ZC3HAV1L: variants seen among roughly 807,000 people sequenced by gnomAD.
ZC3HAV1L encodes ZC3HAV1 like.
In ZC3HAV1L, 23 loss-of-function variants were observed where a neutral mutation model predicts 28.2. The observed-to-expected ratio is 0.82, with a 90% CI of 0.59 to 1.16. ZC3HAV1L has a LOEUF of 1.16. Ranked by LOEUF, ZC3HAV1L falls within the 50% of genes most tolerant of loss-of-function variation. ZC3HAV1L has a pLI of 0.00. For missense variants in ZC3HAV1L, 376 were observed against 387.7 expected (o/e 0.97, Z 0.25); for synonymous variants, 180 against 163.4 (o/e 1.10, Z -0.78).
chr7:139,034,456 A>G, intron 2 of ZC3HAV1L, 87 bp downstream of exon 2: 1 of 1,545,204 alleles, frequency 6.5e-7, no homozygotes, highest in South Asian at 1.2e-5. Flanking sequence ...GAAGGCAATT[A>G]AAATTAATAT....
Position 139,035,665 on chromosome 7 carries a change from T to C in ZC3HAV1L, c.353A>G (p.Asn118Ser), listed in dbSNP as rs1815686784. The C allele has an allele frequency of 2.1e-6, 3 of 1,457,942 alleles. No homozygotes were observed. Among genetic ancestry groups the C allele is most frequent in the African/African-American group, 1.5e-5 (1 of 67,754 alleles). 90.3% of individuals were successfully genotyped at this position (1,457,942 alleles called of 1,614,324 possible). Reference sequence around the variant, plus strand: ...GCCGCCTTCTCACCAGCAGTCCCGGTTGGGGCACTTGCCCAGCATGTGCCG... The same window carrying C: ...GCCGCCTTCTCACCAGCAGTCCCGGCTGGGGCACTTGCCCAGCATGTGCCG... ...CRRHMLGKCP[N>S]RDCWSTCTLS... Residue 118 changes from asparagine to serine, a missense_variant, in exon 1 of 5, where the codon AAC becomes AGC. Transcript: ENST00000275766.
chr7:139,032,719 T>C (rs1450088658), intron 2 of ZC3HAV1L, among the ~76,000 whole-genome samples: 1 of 151,110 alleles, frequency 6.6e-6, no homozygotes, highest in Non-Finnish European at 1.5e-5. Flanking sequence ...ACTGTATACC[T>C]GAAAATTGCT....
intron 1 of ZC3HAV1L, chr7:139,035,194 G>A: frequency 1.0e-6 from 1 of 985,332 alleles, no homozygotes; most frequent in East Asian, 1.1e-4. Flanking sequence ...CTGGCTCAGC[G>A]CTGTTAAACC....
downstream of ZC3HAV1L, among the ~76,000 whole-genome samples, chr7:139,025,275 C>T (rs1815323116): frequency 6.6e-6 from 1 of 151,946 alleles, no homozygotes; most frequent in South Asian, 2.1e-4. Flanking sequence ...ATGGTGAAAC[C>T]CCGTCTCTAC....
In ZC3HAV1L at chr7:139,035,776, CT is replaced by C; in HGVS notation, c.241del (p.Arg81GlyfsTer60). On this transcript the variant is annotated frameshift_variant, in exon 1 of 5. Coordinates refer to ENST00000275766, the MANE Select transcript of ZC3HAV1L (RefSeq NM_080660.4). LOFTEE classifies it high-confidence loss of function. ...GCGCACAGAGGACACGGCCACCACC[CT>C]CCAGGCGGAGGTGCCGCCACCGCCC... ...AVGGGGTSAW[R>X]VVAVSSVRLC... 6.7e-7 allele frequency: 1 copy of C among 1,495,668 alleles called. No homozygotes were observed. The highest frequency in any genetic ancestry group is 8.8e-7 in the Non-Finnish European group (1 of 1,130,972). The allele number at this position is 1,495,668 out of a possible 1,614,324, so 92.6% of individuals were successfully genotyped here. A position where few individuals can be genotyped will look rare whatever the true frequency, so the allele number is the denominator to read the frequency against.
At chr7:139,027,080 G>T (rs766685404) in intron 3 of ZC3HAV1L, among the ~76,000 whole-genome samples, 1 of 152,082 alleles carries the variant, frequency 6.6e-6, no homozygotes, top group Non-Finnish European at 1.5e-5. Context: ...ACAATGACAG[G>T]CCCTAGACAC....
chr7:139,026,672 C>T (rs1051372661), intron 4 of ZC3HAV1L, 36 bp downstream of exon 4: 1 of 1,612,680 alleles, frequency 6.2e-7, no homozygotes, highest in African/African-American at 1.3e-5. Flanking sequence ...GCTGGACAAG[C>T]TTCTTCTTAG....
intron 2 of ZC3HAV1L, among the ~76,000 whole-genome samples, chr7:139,030,991 A>G (rs1484108266): frequency 6.6e-6 from 1 of 152,184 alleles, no homozygotes; most frequent in African/African-American, 2.4e-5. Context: ...CTGGTTTAAA[A>G]TGAAATAGCA....
Position 139,028,834 on chromosome 7 carries a change from A to T in ZC3HAV1L, c.628T>A (p.Ser210Thr). The T allele has an allele frequency of 6.2e-7, 1 of 1,614,122 alleles. No individual in the cohort carries two copies. Among genetic ancestry groups the T allele is most frequent in the Non-Finnish European group, 8.5e-7 (1 of 1,180,042 alleles). The change falls in exon 3 of 5, where the codon TCC becomes ACC. Residue 210 changes from serine to threonine, a missense_variant. By Grantham distance (58) the Ser-to-Thr change is moderately conservative. Coordinates refer to ENST00000275766, the MANE Select transcript of ZC3HAV1L (RefSeq NM_080660.4). The stretch of plus-strand genomic sequence containing the variant: ...GATGCAGCATGGATAAGCTGATGGG[A>T]CCGTTTGCAGGTCTGAAGTTTGCAT... ...GECKLQTCKR[S>T]HQLIHAASLK...
chr7:139,035,766 G>GGCCACCACCCTCCAGGCGGAGGT lies in ZC3HAV1L; in HGVS notation c.229_251dup (p.Val85ProfsTer64), dbSNP rs780728506. 6.7e-7 allele frequency: 1 copy of GGCCACCACCCTCCAGGCGGAGGT among 1,497,836 alleles called. No homozygotes were observed. Among genetic ancestry groups the GGCCACCACCCTCCAGGCGGAGGT allele is most frequent in the African/African-American group, 1.5e-5 (1 of 68,738 alleles). 92.8% of individuals were successfully genotyped at this position (1,497,836 alleles called of 1,614,324 possible). A position where few individuals can be genotyped will look rare whatever the true frequency, so the allele number is the denominator to read the frequency against. On this transcript the variant is annotated frameshift_variant, in exon 1 of 5. Transcript: ENST00000275766. LOFTEE classifies it high-confidence loss of function. Reference sequence around the variant, plus strand: ...GGGCGCAGAGGCGCACAGAGGACACGGCCACCACCCTCCAGGCGGAGGTGC... The same window carrying GGCCACCACCCTCCAGGCGGAGGT: ...GGGCGCAGAGGCGCACAGAGGACACGGCCACCACCCTCCAGGCGGAGGTGCCACCACCCTCCAGGCGGAGGTGC...
In ZC3HAV1L at chr7:139,026,280, C is replaced by A; in HGVS notation, c.*264G>T. On this transcript the variant is annotated 3_prime_UTR_variant, in exon 5 of 5. Transcript: ENST00000275766. ...ATTAAGTGAAAAAAAAAAATGAGTG[C>A]AAAGTACTCTAGGATTGCCACAATA... 2 of 452,710 alleles carry A rather than the reference C, an allele frequency of 4.4e-6. No homozygotes were observed. The highest frequency in any genetic ancestry group is 7.7e-6 in the Non-Finnish European group (2 of 258,764). 28.0% of individuals were successfully genotyped at this position (452,710 alleles called of 1,614,324 possible). A position where few individuals can be genotyped will look rare whatever the true frequency, so the allele number is the denominator to read the frequency against.
At chr7:139,025,440 CTCTGTCTCCAAAAAAAAAAAAAAGAGT>C (rs1263048750), downstream of ZC3HAV1L, among the ~76,000 whole-genome samples, 1 of 127,350 alleles carries the variant, frequency 7.9e-6, no homozygotes, top group Non-Finnish European at 1.7e-5. Context: ...AAGAGTGAAA[CTCTGTCTCCAAAAAAAAAAAAAAGAGT>C]AGACAGAGTG....
At position 139,035,815 on chromosome 7, in the gene ZC3HAV1L, G is replaced by A. The variant is rs1815695166; in HGVS notation, c.203C>T (p.Ala68Val). 2.0e-6 allele frequency: 3 copies of A among 1,482,862 alleles called. No individual in the cohort carries two copies. Among genetic ancestry groups the A allele is most frequent in the Admixed American group, 2.3e-5 (1 of 43,272 alleles). 91.9% of individuals were successfully genotyped at this position (1,482,862 alleles called of 1,614,324 possible). The change falls in exon 1 of 5, where the codon GCG (alanine) becomes GTG (valine). Residue 68 changes from alanine (A) to valine (V), a missense_variant. By Grantham distance (64) the Ala-to-Val change is moderately conservative. Coordinates refer to ENST00000275766, the MANE Select transcript of ZC3HAV1L (RefSeq NM_080660.4). ...EGLGDAEAEA[A>V]AGAVGGGGTS... ...GCCGCCACCGCCCACCGCGCCGGCC[G>A]CCGCCTCGGCCTCCGCGTCCCCGAG...
intron 2 of ZC3HAV1L, among the ~76,000 whole-genome samples, chr7:139,030,858 A>AAT (rs1815511825): frequency 2.0e-5 from 3 of 151,896 alleles, no homozygotes; most frequent in African/African-American, 7.3e-5. Context: ...AATTAATTAA[A>AAT]TAAAGTGAAA....
In ZC3HAV1L at chr7:139,026,516, A is replaced by T; in HGVS notation, c.*28T>A. 1 of 1,613,628 alleles carries T rather than the reference A, an allele frequency of 6.2e-7. No homozygotes were observed. Among genetic ancestry groups the T allele is most frequent in the Non-Finnish European group, 8.5e-7 (1 of 1,179,964 alleles). ...CCCATGCCCAAATGTATTCTTCCAA[A>T]AGGACATTTTCTCCTTTTCCATCTT... On this transcript the variant is annotated 3_prime_UTR_variant, in exon 5 of 5. Transcript: ENST00000275766.
chr7:139,031,963 T>C (rs1340597309), intron 2 of ZC3HAV1L, among the ~76,000 whole-genome samples: 1 of 152,014 alleles, frequency 6.6e-6, no homozygotes, highest in Non-Finnish European at 1.5e-5. Flanking sequence ...CAGTCCCAGC[T>C]ACTCGAGAGG....
At chr7:139,033,262 GGTTT>G (rs1487132027) in intron 2 of ZC3HAV1L, among the ~76,000 whole-genome samples, 2 of 151,170 alleles carry the variant, frequency 1.3e-5, no homozygotes, top group South Asian at 2.1e-4. Flanking sequence ...AATGCTTTGA[GGTTT>G]GTTTAATGCT....
chr7:139,030,105 G>A (rs1307226695), intron 2 of ZC3HAV1L, among the ~76,000 whole-genome samples: 6 of 152,176 alleles, frequency 3.9e-5, no homozygotes, highest in African/African-American at 1.4e-4. Flanking sequence ...CAAATGGGCT[G>A]CTGAGTCACC....
At position 139,026,380 on chromosome 7, in the gene ZC3HAV1L, A is replaced by G. The variant is rs1192250748; in HGVS notation, c.*164T>C. 9.2e-6 allele frequency: 10 copies of G among 1,083,580 alleles called. No homozygotes were observed. The highest frequency in any genetic ancestry group is 1.3e-5 in the Non-Finnish European group (10 of 777,964). 67.1% of individuals were successfully genotyped at this position (1,083,580 alleles called of 1,614,324 possible). A position where few individuals can be genotyped will look rare whatever the true frequency, so the allele number is the denominator to read the frequency against. The stretch of plus-strand genomic sequence containing the variant: ...TCTACCCAGCCTGAGGAAAGCACCT[A>G]GGAGCTGCAGATAGCAGCTGCCATC... On this transcript the variant is annotated 3_prime_UTR_variant, in exon 5 of 5. Transcript: ENST00000275766.
Sources: allele counts gnomAD v4.1 joint callset (sites outside exome capture counted in the v4.1 genomes callset), GRCh38; gene constraint gnomAD v4.1.1; transcripts MANE v1.5; gene names NCBI Gene and HGNC (gene_info 2026-07-23, HGNC 2026-07-21).